Variants in EIF5B observed in about 807,000 individuals in gnomAD.
The protein encoded by EIF5B is eIF-5B.
EIF5B carries 47 observed loss-of-function variants against 147.5 expected under a neutral mutation model. The ratio of observed to expected loss-of-function variants is 0.32; its 90% confidence interval spans 0.25 to 0.41. The LOEUF is 0.41. EIF5B is among the 10% of genes least tolerant of loss of function. The probability of loss-of-function intolerance (pLI) is 1.00; values close to 1 mark genes in which losing one functional copy is unlikely to be tolerated. For synonymous variants in EIF5B, 455 were observed against 456.2 expected (o/e 1.00, Z 0.03); for missense variants, 1,064 against 1,413.2 (o/e 0.75, Z 3.96).
At chr2:99,371,274 G>A (rs909813965) in intron 8 of EIF5B, 18 of 158,780 alleles carry the variant, frequency 1.1e-4, no homozygotes, top group Non-Finnish European at 2.2e-4. Context: ...GGATCACAAG[G>A]TCAGCAGATC....
In EIF5B at chr2:99,361,032, T is replaced by C. The variant is rs72956328; in HGVS notation, c.247-116T>C. 1.6e-4 allele frequency: 170 copies of C among 1,088,002 alleles called. 1 individual carries two copies. In the African/African-American group the frequency reaches 2.6e-3, roughly 17 times the overall value. The allele number at this position is 1,088,002 out of a possible 1,614,324, so 67.4% of individuals were successfully genotyped here. On this transcript the variant is annotated intron_variant, in intron 3 of 23. Transcript: ENST00000289371. ...TTTTATATTCCTGTGAAAAAGACTTTGAAAAAGATTTTGAAATCATTTTGA... is the reference window on the plus strand; with the variant it reads ...TTTTATATTCCTGTGAAAAAGACTTCGAAAAAGATTTTGAAATCATTTTGA...
chr2:99,350,474 T>C (rs1387375555), intron 1 of EIF5B, among the ~76,000 whole-genome samples: 1 of 152,216 alleles, frequency 6.6e-6, no homozygotes, highest in Non-Finnish European at 1.5e-5. Context: ...AAAGCTAGTC[T>C]AAGGTGTGAT....
chr2:99,359,223 A>G (rs1674153527), intron 1 of EIF5B, among the ~76,000 whole-genome samples: 1 of 151,116 alleles, frequency 6.6e-6, no homozygotes. Context: ...AAAAAAATGA[A>G]CCGGGCATGG....
rs3838583 is a variant in EIF5B, at chr2:99,401,051, A to ATAAT, written c.*1641_*1644dup. 4.8e-6 allele frequency: 2 copies of ATAAT among 419,130 alleles called. No individual in the cohort carries two copies. The highest frequency in any genetic ancestry group is 3.9e-5 in the African/African-American group (2 of 50,660). The allele number at this position is 419,130 out of a possible 1,614,324, so 26.0% of individuals were successfully genotyped here. ...TAAATAGAATCTATGCTACAGTAAA[A>ATAAT]TAATTAACACAATTATTTACATGCA... is the stretch of plus-strand genomic sequence containing the variant. On this transcript the variant is annotated 3_prime_UTR_variant, in exon 24 of 24. Transcript: ENST00000289371.
At chr2:99,398,610 G>A (rs1051505867) in intron 22 of EIF5B, 138 bp from the exon 23 acceptor site, 43 of 857,528 alleles carry the variant, frequency 5.0e-5, no homozygotes, top group Middle Eastern at 3.7e-4. Context: ...ATGTTACACC[G>A]TGAGTGATGA....
In EIF5B at chr2:99,363,687, A is replaced by G. The variant is rs546134984; in HGVS notation, c.962A>G (p.Lys321Arg). ...AAAAAGAAGAAAGATAAGAAGAAAA[A>G]GAAAGGAGAAAAGGAAGAAAAAGAG... ...GDKKKKDKKKKKGEKEEKEKE... is the reference protein window; with the variant it reads ...GDKKKKDKKKRKGEKEEKEKE... The change falls in exon 5 of 24, where the codon AAG becomes AGG. Residue 321 changes from lysine to arginine, a missense_variant. Physicochemically the swap from Lys to Arg is conservative, Grantham distance 26. Around this residue, in one of 4 missense-constraint regions of EIF5B, gnomAD observed 458 missense variants for 451.3 expected, o/e 1.01. Transcript: ENST00000289371. 9.4e-6 allele frequency: 15 copies of G among 1,594,022 alleles called. No individual in the cohort carries two copies. In the African/African-American group the frequency reaches 1.6e-4, roughly 17 times the overall value.
chr2:99,378,108 T>G (rs1683951999), intron 10 of EIF5B, among the ~76,000 whole-genome samples: 1 of 152,220 alleles, frequency 6.6e-6, no homozygotes, highest in African/African-American at 2.4e-5. Context: ...TACTTTGTGC[T>G]CATCCCTGGC....
intron 9 of EIF5B, among the ~76,000 whole-genome samples, chr2:99,374,493 A>G (rs1674524162): frequency 1.3e-5 from 2 of 151,992 alleles, no homozygotes; most frequent in Admixed American, 6.6e-5. Flanking sequence ...AACACTTTAG[A>G]GTTTTTTTTA....
chr2:99,346,889 G>C (rs1346245191), intron 1 of EIF5B, among the ~76,000 whole-genome samples: 2 of 151,340 alleles, frequency 1.3e-5, no homozygotes, highest in African/African-American at 2.4e-5. Flanking sequence ...TGTATCTTAA[G>C]GTGTTTATTG....
chr2:99,367,160 A>G (rs866494406), intron 6 of EIF5B, among the ~76,000 whole-genome samples: 8 of 152,366 alleles, frequency 5.3e-5, no homozygotes, highest in Admixed American at 3.3e-4. Flanking sequence ...GAAAAAAGAT[A>G]CATTTTGAGA....
Position 99,401,189 on chromosome 2 carries a change from C to T in EIF5B, c.*1775C>T. On this transcript the variant is annotated 3_prime_UTR_variant, in exon 24 of 24. Transcript: ENST00000289371. ...ACTATCATGCACTTTGCAAATACCTCACAAGCACTTATGGCACAGCTATCA... is the reference window on the plus strand; with the variant it reads ...ACTATCATGCACTTTGCAAATACCTTACAAGCACTTATGGCACAGCTATCA... The T allele has an allele frequency of 1.8e-6, 2 of 1,139,882 alleles. No individual in the cohort carries two copies. The highest frequency in any genetic ancestry group is 2.7e-6 in the Non-Finnish European group (2 of 752,694). 70.6% of individuals were successfully genotyped at this position (1,139,882 alleles called of 1,614,324 possible). A position where few individuals can be genotyped will look rare whatever the true frequency, so the allele number is the denominator to read the frequency against.
chr2:99,385,447 C>A (rs1038261046), intron 14 of EIF5B, among the ~76,000 whole-genome samples: 1 of 152,218 alleles, frequency 6.6e-6, no homozygotes, highest in Non-Finnish European at 1.5e-5. Flanking sequence ...TTATGAGCTA[C>A]CATCCTAATC....
At chr2:99,345,617 G>A (rs1376699535) in intron 1 of EIF5B, among the ~76,000 whole-genome samples, 4 of 142,612 alleles carry the variant, frequency 2.8e-5, no homozygotes. Flanking sequence ...AAAAAGGAAT[G>A]TCTAACATGC....
chr2:99,370,418 G>A (rs936621954), intron 8 of EIF5B, among the ~76,000 whole-genome samples: 12 of 152,154 alleles, frequency 7.9e-5, no homozygotes, highest in Admixed American at 6.5e-4. Flanking sequence ...GATTTACATT[G>A]GTGAATTATA....
At chr2:99,378,989 T>C in intron 10 of EIF5B, 30 bp from the exon 11 acceptor site, 1 of 1,417,234 alleles carries the variant, frequency 7.1e-7, no homozygotes, top group South Asian at 1.4e-5. Flanking sequence ...TAATATTTAA[T>C]TTTTGATTTT....
intron 18 of EIF5B, 138 bp from the exon 19 acceptor site, chr2:99,394,129 G>C: frequency 9.0e-7 from 1 of 1,111,418 alleles, no homozygotes; most frequent in Admixed American, 2.4e-5. Context: ...CACAGGTTCT[G>C]TGATGCCTTG....
chr2:99,380,098 A>T (rs1297971932), intron 12 of EIF5B, among the ~76,000 whole-genome samples: 1 of 152,206 alleles, frequency 6.6e-6, no homozygotes, highest in African/African-American at 2.4e-5. Flanking sequence ...AACGTTACCT[A>T]ATCTACTATT....
chr2:99,339,293 G>A (rs1447289133), intron 1 of EIF5B, among the ~76,000 whole-genome samples: 1 of 151,882 alleles, frequency 6.6e-6, no homozygotes, highest in Non-Finnish European at 1.5e-5. Flanking sequence ...GATTACAGGC[G>A]TGATCCATCG....
intron 18 of EIF5B, among the ~76,000 whole-genome samples, chr2:99,393,461 G>A (rs58958283): frequency 0.42 from 64,251 of 151,448 alleles, 13,861 homozygotes; most frequent in Admixed American, 0.57. Flanking sequence ...AGCCAAGATC[G>A]TGCCACTGCA....
Sources: gnomAD v4.1 joint callset for allele counts (sites outside exome capture counted in the v4.1 genomes callset) on GRCh38, gnomAD v4.1.1 for gene constraint, gnomAD v4.1.1 regional missense constraint, MANE v1.5 for transcripts, NCBI Gene and HGNC (gene_info 2026-07-23, HGNC 2026-07-21) for gene names.